RTEL1: variants seen among roughly 807,000 people sequenced by gnomAD.
The protein encoded by RTEL1 is regulator of telomere elongation helicase 1, also known as regulator of telomere length.
In RTEL1, 86 loss-of-function variants were observed where a neutral mutation model predicts 162.2. The observed-to-expected ratio is 0.53, with a 90% CI of 0.45 to 0.63. The LOEUF (loss-of-function observed/expected upper bound fraction) is 0.63, where lower values mean the gene tolerates loss of function less well. Ranked by LOEUF, RTEL1 falls within the 30% of genes least tolerant of loss-of-function variation. The pLI is 0.00. For synonymous variants in RTEL1, 958 were observed against 717.9 expected (o/e 1.33, Z -5.35); for missense variants, 1,941 against 1,750.2 (o/e 1.11, Z -1.95).
intron 28 of RTEL1, 30 bp from the exon 29 acceptor site, chr20:63,692,775 C>T (rs779685672): frequency 1.3e-6 from 2 of 1,598,830 alleles, no homozygotes; most frequent in Non-Finnish European, 1.7e-6. Context: ...GAGGCTGGCC[C>T]TGATGGAGCC....
At position 63,662,532 on chromosome 20, in the gene RTEL1, C is replaced by T. The variant is rs778171432; in HGVS notation, c.396-14C>T. On this transcript the variant is annotated splice_polypyrimidine_tract_variant and intron_variant, in intron 4 of 34. Transcript: ENST00000360203. Reference sequence around the variant, plus strand: ...GACAGCTCCTCCTCGACCCACGGTGCTCTCTCCCACCAGGCCTAAGGTGTG... The same window carrying T: ...GACAGCTCCTCCTCGACCCACGGTGTTCTCTCCCACCAGGCCTAAGGTGTG... The T allele has an allele frequency of 6.2e-7, 1 of 1,613,872 alleles. No individual in the cohort carries two copies. The highest frequency in any genetic ancestry group is 8.5e-7 in the Non-Finnish European group (1 of 1,179,974).
At chr20:63,679,732 A>T in intron 12 of RTEL1, 117 bp from the exon 13 acceptor site, 1 of 776,736 alleles carries the variant, frequency 1.3e-6, no homozygotes, top group Non-Finnish European at 2.2e-6. Context: ...CTCGGCAGCT[A>T]CATCTTTGAC....
chr20:63,664,504 G>T (rs570286591), intron 6 of RTEL1, among the ~76,000 whole-genome samples: 1 of 152,132 alleles, frequency 6.6e-6, no homozygotes, highest in East Asian at 1.9e-4. Context: ...TGCTGCTTCC[G>T]TCTGTGTTAG....
chr20:63,690,745 G>A, intron 26 of RTEL1, 60 bp from the exon 27 acceptor site: 1 of 1,528,304 alleles, frequency 6.5e-7, no homozygotes, highest in East Asian at 2.4e-5. Context: ...CTTTGCCACA[G>A]GCAGGGACCC....
chr20:63,687,685 G>A lies in RTEL1; in HGVS notation c.1396G>A (p.Glu466Lys), dbSNP rs1219409480. ...CTTCAGTCCCGGCCACAGCATGCAC[G>A]AGCTGGTCCGCCAGGGCGTCCGCTC... ...WCFSPGHSMH[E>K]LVRQGVRSLI... is the part of the protein sequence containing the mutation. The change falls in exon 17 of 35, where the codon GAG becomes AAG. Residue 466 changes from glutamate (E) to lysine (K), a missense_variant. Coordinates refer to ENST00000360203, the MANE Select transcript of RTEL1 (RefSeq NM_001283009.2). 6 of 1,608,776 alleles carry A rather than the reference G, an allele frequency of 3.7e-6. No homozygotes were observed. The highest frequency in any genetic ancestry group is 2.2e-4 in the Middle Eastern group (1 of 4,460).
intron 4 of RTEL1, 55 bp from the exon 5 acceptor site, chr20:63,662,491 C>T (rs1418585912): frequency 8.1e-6 from 13 of 1,606,018 alleles, no homozygotes; most frequent in East Asian, 2.2e-5. Context: ...TGCAGGGCCA[C>T]GCTGTGGGTG....
chr20:63,672,370 G>A (rs2090261431), intron 8 of RTEL1, among the ~76,000 whole-genome samples, 186 bp from the exon 9 acceptor site: 1 of 152,202 alleles, frequency 6.6e-6, no homozygotes, highest in Admixed American at 6.5e-5. Context: ...CTCCCGGTAT[G>A]GCGAACTGCT....
intron 9 of RTEL1, 86 bp downstream of exon 9, chr20:63,672,707 G>T: frequency 1.7e-6 from 2 of 1,158,450 alleles, no homozygotes; most frequent in Non-Finnish European, 2.5e-6. Context: ...GAGGGGCTCT[G>T]GCCAAACTCC....
At chr20:63,682,790 C>CTCCAGGCAGGG in intron 14 of RTEL1, 1 of 738,244 alleles carries the variant, frequency 1.4e-6, no homozygotes, top group South Asian at 6.3e-5. Flanking sequence ...TGGAGGCGAA[C>CTCCAGGCAGGG]TCCAGGCAGG....
intron 1 of RTEL1, chr20:63,658,880 T>A: frequency 6.2e-6 from 1 of 160,110 alleles, no homozygotes; most frequent in South Asian, 1.7e-4. Flanking sequence ...GGCAGAGGGC[T>A]GGAGAGGCAG....
At position 63,682,513 on chromosome 20, in the gene RTEL1, T is replaced by C; in HGVS notation, c.1191+1794T>C. 8.1e-6 allele frequency: 8 copies of C among 985,792 alleles called. No homozygotes were observed. The South Asian group carries it at 3.7e-4, about 46-fold the overall frequency. The allele number at this position is 985,792 out of a possible 1,614,324, so 61.1% of individuals were successfully genotyped here. A position where few individuals can be genotyped will look rare whatever the true frequency, so the allele number is the denominator to read the frequency against. On this transcript the variant is annotated intron_variant, in intron 14 of 34. Transcript: ENST00000360203. ...GACTCCACACTCTGGAACCGAATCC[T>C]GCACACTCCATCGGTTTGGAATTTC...
rs2090189124 is a variant in RTEL1, at chr20:63,668,669, T to C, written c.699+1116T>C. Among the ~76,000 whole-genome samples, 1 of 151,908 alleles carries C rather than the reference T, an allele frequency of 6.6e-6. No individual in the cohort carries two copies. The highest frequency in any genetic ancestry group is 2.4e-5 in the African/African-American group (1 of 41,352). On this transcript the variant is annotated intron_variant, in intron 8 of 34. Coordinates refer to ENST00000360203, the MANE Select transcript of RTEL1 (RefSeq NM_001283009.2). This position sits in a 1 kb window ranked among gnomAD's most constrained non-coding sequence, Gnocchi z 4.3. The stretch of plus-strand genomic sequence containing the variant: ...AACCCCACAGAGAGCTGGTGAGGTT[T>C]GCCGTGGTTGTGGGTGACTCGGTGC...
At chr20:63,685,072 AC>A (rs2090561725) in intron 14 of RTEL1, among the ~76,000 whole-genome samples, 1 of 123,344 alleles carries the variant, frequency 8.1e-6, no homozygotes, top group African/African-American at 3.1e-5. Flanking sequence ...TTTGGTGAAC[AC>A]CCTGGGGTTG....
intron 28 of RTEL1, 120 bp from the exon 29 acceptor site, chr20:63,692,685 C>A: frequency 1.0e-6 from 1 of 966,438 alleles, no homozygotes; most frequent in South Asian, 1.6e-5. Flanking sequence ...TCTCAGGCAG[C>A]AGCCCCACCT....
At chr20:63,671,953 G>A (rs550747561) in intron 8 of RTEL1, among the ~76,000 whole-genome samples, 64 of 151,830 alleles carry the variant, frequency 4.2e-4, no homozygotes, top group African/African-American at 1.4e-3. Flanking sequence ...ACACAATCTC[G>A]GCTCACATTA....
At chr20:63,683,024 C>T (rs973852525) in intron 14 of RTEL1, among the ~76,000 whole-genome samples, 2 of 152,164 alleles carry the variant, frequency 1.3e-5, no homozygotes, top group Non-Finnish European at 2.9e-5. Context: ...AGTGCAGGGG[C>T]TTGATCACAG....
chr20:63,666,333 G>C (rs1294962751), intron 7 of RTEL1, among the ~76,000 whole-genome samples: 1 of 152,260 alleles, frequency 6.6e-6, no homozygotes, highest in East Asian at 1.9e-4. Flanking sequence ...GCCTGTGTCT[G>C]TGCGGAAGCA....
At position 63,695,771 on chromosome 20, in the gene RTEL1, C is replaced by T. The variant is rs373163953; in HGVS notation, c.3823-7C>T. ...CAGACGTGTGCAGTGGGCCGGTTGT[C>T]TCACAGGCCTCTAGGATGTGCCCAG... On this transcript the variant is annotated splice_polypyrimidine_tract_variant and splice_region_variant and intron_variant, in intron 34 of 34. Coordinates refer to ENST00000360203, the MANE Select transcript of RTEL1 (RefSeq NM_001283009.2). The T allele has an allele frequency of 2.5e-6, 4 of 1,589,362 alleles. No homozygotes were observed. Among genetic ancestry groups the T allele is most frequent in the South Asian group, 1.1e-5 (1 of 88,378 alleles).
intron 22 of RTEL1, 109 bp from the exon 23 acceptor site, chr20:63,689,393 T>C: frequency 4.6e-6 from 6 of 1,315,008 alleles, no homozygotes; most frequent in Non-Finnish European, 5.1e-6. Context: ...TGGAGCTTCC[T>C]CCCACCCCTG....
Sources: allele counts gnomAD v4.1 joint callset (sites outside exome capture counted in the v4.1 genomes callset), GRCh38; gene constraint gnomAD v4.1.1; non-coding constraint Gnocchi (gnomAD v3.1); transcripts MANE v1.5; gene names NCBI Gene and HGNC (gene_info 2026-07-23, HGNC 2026-07-21).